Variants in SGCD observed in about 807,000 individuals in gnomAD.
SGCD encodes the protein sarcoglycan delta.
Under a neutral mutation model 36.6 loss-of-function variants are expected in SGCD, and 18 were observed. The ratio of observed to expected loss-of-function variants is 0.49; its 90% CI spans 0.34 to 0.73. The LOEUF is 0.73. SGCD is among the 30% of genes least tolerant of loss of function. SGCD has a pLI of 0.01. For missense variants in SGCD, 387 were observed against 346.7 expected (o/e 1.12, Z -0.92); for synonymous variants, 133 against 130.6 (o/e 1.02, Z -0.12).
the SGCD span, among the ~76,000 whole-genome samples, chr5:155,750,886 T>G: frequency 1.3e-5 from 2 of 152,182 alleles, no homozygotes; most frequent in Non-Finnish European, 2.9e-5. Flanking sequence ...TTCATTTACT[T>G]TCTCCAAATG....
At chr5:155,799,184 T>C in the SGCD span, among the ~76,000 whole-genome samples, 1 of 152,192 alleles carries the variant, frequency 6.6e-6, no homozygotes, top group Non-Finnish European at 1.5e-5. Flanking sequence ...AAATATGCAT[T>C]TTTATACAAA....
chr5:155,979,505 T>A (rs765203863), intron 1 of SGCD, among the ~76,000 whole-genome samples: 43 of 152,070 alleles, frequency 2.8e-4, no homozygotes, highest in Non-Finnish European at 5.7e-4. Context: ...GATCAATACA[T>A]GTGGAAGGGA....
chr5:156,508,679 G>A lies in SGCD; in HGVS notation c.271G>A (p.Ala91Thr), dbSNP rs768114319. ...GDSEFLQPLY[A>T]KEIQSRPGNA... ...CTCTGAATTCTTACAACCTCTCTAC[G>A]CCAAAGAAATCCAGTCCCGACCAGT... Residue 91 changes from alanine to threonine, a missense_variant, in exon 4 of 9, where the codon GCC (alanine) becomes ACC (threonine). Transcript: ENST00000337851. The A allele has an allele frequency of 5.0e-6, 8 of 1,605,634 alleles. No individual in the cohort carries two copies. Among genetic ancestry groups the A allele is most frequent in the Middle Eastern group, 1.7e-4 (1 of 6,056 alleles).
intron 3 of SGCD, among the ~76,000 whole-genome samples, chr5:156,276,692 T>G (rs1766326713): frequency 6.6e-6 from 1 of 152,202 alleles, no homozygotes; most frequent in South Asian, 2.1e-4. Context: ...TCTGGAAACA[T>G]GGTCTCTGCA....
chr5:155,853,117 C>T, the SGCD span, among the ~76,000 whole-genome samples: 1 of 151,808 alleles, frequency 6.6e-6, no homozygotes, highest in Middle Eastern at 3.4e-3. Flanking sequence ...TGGATAAAAA[C>T]ATCCATTATT....
intron 7 of SGCD, among the ~76,000 whole-genome samples, chr5:156,681,532 G>A (rs891781582): frequency 2.0e-5 from 3 of 152,166 alleles, no homozygotes; most frequent in Non-Finnish European, 2.9e-5. Flanking sequence ...TTAGTGCTGC[G>A]GTTCCAGGCT....
At chr5:156,041,782 A>AAG (rs531939595) in intron 1 of SGCD, among the ~76,000 whole-genome samples, 623 of 152,262 alleles carry the variant, frequency 4.1e-3, no homozygotes, top group African/African-American at 0.014. Context: ...ATAAACATAA[A>AAG]AGAGAGGTAA....
chr5:155,911,172 G>A (rs930683921), intron 1 of SGCD, among the ~76,000 whole-genome samples: 1 of 151,902 alleles, frequency 6.6e-6, no homozygotes, highest in African/African-American at 2.4e-5. Flanking sequence ...TTAAAATGTT[G>A]ACCACCATCT....
At chr5:155,896,652 A>G (rs1323165801) in intron 1 of SGCD, among the ~76,000 whole-genome samples, 3 of 152,048 alleles carry the variant, frequency 2.0e-5, no homozygotes, top group Non-Finnish European at 2.9e-5. Context: ...TCTCAAAAAA[A>G]AAAAAGACAA....
At chr5:156,733,387 GTTA>G (rs1207119091) in intron 7 of SGCD, among the ~76,000 whole-genome samples, 1 of 151,986 alleles carries the variant, frequency 6.6e-6, no homozygotes, top group Non-Finnish European at 1.5e-5. Context: ...TTGAGAGACT[GTTA>G]TTATTTCAGT....
intron 7 of SGCD, among the ~76,000 whole-genome samples, chr5:156,731,435 C>T (rs962259707): frequency 5.3e-5 from 8 of 152,150 alleles, no homozygotes; most frequent in African/African-American, 1.7e-4. Context: ...GGAACAGGTT[C>T]GGTGTCAGTC....
At chr5:156,117,126 T>C (rs1418802201) in intron 1 of SGCD, among the ~76,000 whole-genome samples, 2 of 152,070 alleles carry the variant, frequency 1.3e-5, no homozygotes, top group African/African-American at 2.4e-5. Flanking sequence ...AATATGCCTA[T>C]ACAATGGCTC....
rs902502931 is a variant in SGCD, at chr5:156,405,886, C to A, written c.192+61209C>A. ...TGAGGCCCAGTGGGTGCTCCCACAT[C>A]CTTTTGAGTTGATGGATTTTACAAG... is the stretch of plus-strand genomic sequence containing the variant. On this transcript the variant is annotated intron_variant, in intron 3 of 8. Coordinates refer to ENST00000337851, the MANE Select transcript of SGCD (RefSeq NM_000337.6). Among the ~76,000 whole-genome samples, 4 of 152,080 alleles carry A rather than the reference C, an allele frequency of 2.6e-5. No homozygotes were observed. The South Asian group carries it at 8.3e-4, about 32-fold the overall frequency.
intron 1 of SGCD, among the ~76,000 whole-genome samples, chr5:155,946,000 T>C (rs1296125908): frequency 6.6e-6 from 1 of 152,036 alleles, no homozygotes; most frequent in East Asian, 1.9e-4. Flanking sequence ...ATATACGAGG[T>C]AAAATGGGCA....
intron 1 of SGCD, among the ~76,000 whole-genome samples, chr5:156,111,131 A>T (rs1160022578): frequency 6.6e-6 from 1 of 152,202 alleles, no homozygotes; most frequent in Non-Finnish European, 1.5e-5. Flanking sequence ...GTGCTCAGAG[A>T]AAGTCGCAAA....
chr5:156,739,938 C>CTT (rs1460238947), intron 7 of SGCD: 1 of 152,142 alleles, frequency 6.6e-6, no homozygotes, highest in African/African-American at 2.4e-5. Context: ...TATGGATTCA[C>CTT]TTATGGTTTA....
chr5:156,628,931 A>G (rs1480555398), intron 6 of SGCD, among the ~76,000 whole-genome samples: 1 of 152,230 alleles, frequency 6.6e-6, no homozygotes, highest in African/African-American at 2.4e-5. Context: ...CAATGAAGAT[A>G]TCAACACTGC....
intron 1 of SGCD, among the ~76,000 whole-genome samples, chr5:155,975,867 T>A (rs1411944006): frequency 6.6e-6 from 1 of 151,874 alleles, no homozygotes; most frequent in Non-Finnish European, 1.5e-5. Context: ...TGACCTCAGG[T>A]GATCTGCCCA....
the SGCD span, among the ~76,000 whole-genome samples, chr5:155,852,104 A>G: frequency 9.6e-3 from 1,466 of 152,326 alleles, 24 homozygotes; most frequent in African/African-American, 0.034. Flanking sequence ...CTGGCATGGC[A>G]TTTTGCCTAT....
Sources: allele counts gnomAD v4.1 joint callset (sites outside exome capture counted in the v4.1 genomes callset), GRCh38; gene constraint gnomAD v4.1.1; transcripts MANE v1.5; gene names NCBI Gene and HGNC (gene_info 2026-07-23, HGNC 2026-07-21).